Variants in SPTA1 observed in about 807,000 individuals in gnomAD.
SPTA1 encodes the protein spectrin alpha chain, erythrocytic 1.
Under a neutral mutation model 324.7 loss-of-function variants are expected in SPTA1, and 177 were observed. That is an observed-to-expected ratio of 0.55 (90% CI 0.48 to 0.62). The LOEUF (loss-of-function observed/expected upper bound fraction) is 0.62. Ranked by LOEUF, SPTA1 falls within the 20% of genes least tolerant of loss-of-function variation. The probability of loss-of-function intolerance (pLI) is 0.00; values close to 1 mark genes in which losing one functional copy is unlikely to be tolerated. For missense variants in SPTA1, 3,162 were observed against 2,883.6 expected (o/e 1.10, Z -2.21); for synonymous variants, 1,195 against 1,041.3 (o/e 1.15, Z -2.84).
chr1:158,624,613 T>A (rs148117155), intron 42 of SPTA1, among the ~76,000 whole-genome samples: 1,725 of 152,326 alleles, frequency 0.011, 33 homozygotes, highest in African/African-American at 0.039. Context: ...TTTTTGATTT[T>A]ACAGACAATC....
chr1:158,681,596 C>T lies in SPTA1; in HGVS notation c.462G>A (p.Leu154=). The change falls in exon 4 of 52, where the codon TTG becomes TTA. Residue 154 remains leucine (L), a synonymous_variant. Transcript: ENST00000643759. ...ACTGCTGGAACTTCAGGGCCCGCAG[C>T]AACTGGTCACCCTTCTCCAGGGTCA... ...LELTLEKGDQ[L]LRALKFQQYV... 1 of 1,613,714 alleles carries T rather than the reference C, an allele frequency of 6.2e-7. No individual in the cohort carries two copies. The highest frequency in any genetic ancestry group is 8.5e-7 in the Non-Finnish European group (1 of 1,179,822).
chr1:158,651,604 A>C (rs1652440471), intron 23 of SPTA1, 136 bp from the exon 24 acceptor site: 1 of 716,252 alleles, frequency 1.4e-6, no homozygotes, highest in Non-Finnish European at 2.6e-6. Context: ...CCTCTCCTCC[A>C]ATCCACCACT....
chr1:158,653,166 T>C (rs1347099113), intron 22 of SPTA1, 108 bp downstream of exon 22: 8 of 1,525,620 alleles, frequency 5.2e-6, no homozygotes, highest in Non-Finnish European at 7.2e-6. Flanking sequence ...AATCTTCAGA[T>C]TTTCTGTGGC....
chr1:158,686,447 C>A (rs758246122), intron 1 of SPTA1, 47 bp downstream of exon 1: 1 of 1,289,006 alleles, frequency 7.8e-7, no homozygotes, highest in Non-Finnish European at 1.1e-6. Context: ...AACATCTTTC[C>A]TAATAATATT....
In SPTA1 at chr1:158,639,972, A is replaced by G. The variant is rs764652265; in HGVS notation, c.4773T>C (p.His1591=). The change falls in exon 34 of 52, where the codon CAT becomes CAC. Residue 1591 remains histidine, a synonymous_variant. Coordinates refer to ENST00000643759, the MANE Select transcript of SPTA1 (RefSeq NM_003126.4). ...CTTTGTCATTTGTTCTCTCAAGCAG[A>G]TGATCCCAATGTTCCTTCAGCTGTT... ...QLEQLKEHWD[H]LLERTNDKGK... is the part of the protein sequence containing the mutation. 1.2e-6 allele frequency: 2 copies of G among 1,613,912 alleles called. No individual in the cohort carries two copies. Among genetic ancestry groups the G allele is most frequent in the Non-Finnish European group, 1.7e-6 (2 of 1,179,892 alleles).
intron 51 of SPTA1, chr1:158,612,067 C>T (rs1482192672): frequency 6.5e-6 from 1 of 154,094 alleles, no homozygotes; most frequent in Non-Finnish European, 1.4e-5. Context: ...AAAACGATAC[C>T]ATCATGTATG....
rs976782932 is a variant in SPTA1, at chr1:158,647,709, C to A, written c.3726G>T (p.Leu1242=). 6.2e-7 allele frequency: 1 copy of A among 1,613,760 alleles called. No individual in the cohort carries two copies. Among genetic ancestry groups the A allele is most frequent in the Admixed American group, 1.7e-5 (1 of 59,940 alleles). The change falls in exon 27 of 52, where the codon CTG becomes CTT. Residue 1242 remains leucine, a synonymous_variant. Coordinates refer to ENST00000643759, the MANE Select transcript of SPTA1 (RefSeq NM_003126.4). ...LVPLGDKVTI[L]GETAERLSES... Reference sequence around the variant, plus strand: ...CACTGAGCCGCTCTGCTGTCTCCCCCAGTATGGTCACCTGGGGAGGTACAA... The same window carrying A: ...CACTGAGCCGCTCTGCTGTCTCCCCAAGTATGGTCACCTGGGGAGGTACAA...
intron 5 of SPTA1, among the ~76,000 whole-genome samples, chr1:158,680,113 C>T (rs571637183): frequency 3.9e-5 from 6 of 151,924 alleles, no homozygotes; most frequent in Admixed American, 6.6e-5. Flanking sequence ...AAAGTAAAAC[C>T]GCTTCCTTTC....
intron 7 of SPTA1, among the ~76,000 whole-genome samples, chr1:158,676,944 CA>C (rs2101931389): frequency 6.6e-6 from 1 of 151,940 alleles, no homozygotes; most frequent in Non-Finnish European, 1.5e-5. Context: ...GGAAAAAGAC[CA>C]AAAACAACAA....
intron 10 of SPTA1, among the ~76,000 whole-genome samples, chr1:158,674,045 T>C (rs969555952): frequency 5.9e-5 from 9 of 152,150 alleles, no homozygotes; most frequent in Non-Finnish European, 1.2e-4. Context: ...CTGAAGATAA[T>C]TTAAAGTGTA....
chr1:158,674,153 G>A (rs2101922817), intron 10 of SPTA1, among the ~76,000 whole-genome samples, 176 bp downstream of exon 10: 1 of 152,160 alleles, frequency 6.6e-6, no homozygotes, highest in South Asian at 2.1e-4. Context: ...AATGCCCCAT[G>A]GATAATAAGT....
chr1:158,662,786 G>A lies in SPTA1; in HGVS notation c.2380C>T (p.His794Tyr), dbSNP rs781201583. 1.8e-5 allele frequency: 29 copies of A among 1,613,926 alleles called. No homozygotes were observed. The highest frequency in any genetic ancestry group is 1.3e-5 in the Non-Finnish European group (15 of 1,180,000). The change falls in exon 17 of 52, where the codon CAT (histidine) becomes TAT (tyrosine). Residue 794 changes from histidine to tyrosine, a missense_variant. By Grantham distance (83) the His-to-Tyr change is moderately conservative. Transcript: ENST00000643759. The stretch of plus-strand genomic sequence containing the variant: ...GTGTCTCTACAAATCAGCTGCAGAT[G>A]GAGAAGGTCTAAGAGCTTCTTCTTT... The part of the protein sequence containing the change: ...TRKKKLLDLL[H>Y]LQLICRDTED...
intron 49 of SPTA1, 138 bp downstream of exon 49, chr1:158,614,115 T>C (rs1649414995): frequency 2.5e-6 from 2 of 807,122 alleles, no homozygotes; most frequent in Non-Finnish European, 4.0e-6. Context: ...CAGAAAGCCA[T>C]GACTGGAGCT....
chr1:158,652,541 TC>T lies in SPTA1; in HGVS notation c.3300del (p.Lys1102ArgfsTer9). On this transcript the variant is annotated frameshift_variant, in exon 23 of 52. Transcript: ENST00000643759. LOFTEE classifies it high-confidence loss of function. ...TCCACTCCAGTGTTTTCTGCCTTTT[TC>T]TCTTGAATCCATTCCAGCATGTCTC... ...EAGDMLEWIQ[E>X]KKAENTGVEL... 5 of 1,614,188 alleles carry T rather than the reference TC, an allele frequency of 3.1e-6. No homozygotes were observed. Among genetic ancestry groups the T allele is most frequent in the Non-Finnish European group, 4.2e-6 (5 of 1,180,038 alleles).
At chr1:158,637,143 T>G (rs915374296) in intron 36 of SPTA1, among the ~76,000 whole-genome samples, 3 of 152,190 alleles carry the variant, frequency 2.0e-5, no homozygotes, top group Non-Finnish European at 4.4e-5. Context: ...TTTATTAATG[T>G]CAATAATAAA....
In SPTA1 at chr1:158,645,191, C is replaced by G. The variant is rs887330312; in HGVS notation, c.4191G>C (p.Leu1397Phe). ...ACAATTGGGAAATTTGCTGTACCTGCAACTCCAGGCACTGGTCTAGGATCT... is the reference window on the plus strand; with the variant it reads ...ACAATTGGGAAATTTGCTGTACCTGGAACTCCAGGCACTGGTCTAGGATCT... ...RKKILDQCLE[L>F]QMFQGNCDQV... Residue 1397 changes from leucine to phenylalanine, a missense_variant, in exon 29 of 52, where the codon TTG (leucine) becomes TTC (phenylalanine). By Grantham distance (22) the Leu-to-Phe change is conservative. Transcript: ENST00000643759. 3.1e-6 allele frequency: 5 copies of G among 1,613,802 alleles called. No homozygotes were observed. Among genetic ancestry groups the G allele is most frequent in the Non-Finnish European group, 4.2e-6 (5 of 1,179,764 alleles).
chr1:158,637,537 C>T (rs978266684), intron 36 of SPTA1, among the ~76,000 whole-genome samples: 6 of 151,700 alleles, frequency 4.0e-5, no homozygotes, highest in African/African-American at 9.7e-5. Context: ...GTGTCCAATT[C>T]AGTGTCATAT....
intron 42 of SPTA1, among the ~76,000 whole-genome samples, chr1:158,624,372 G>T (rs987516091): frequency 1.9e-4 from 29 of 152,172 alleles, no homozygotes; most frequent in Non-Finnish European, 8.8e-5. Flanking sequence ...AGCCACAGGG[G>T]TGGAACTGCC....
intron 14 of SPTA1, 103 bp downstream of exon 14, chr1:158,669,305 G>T: frequency 6.7e-7 from 1 of 1,488,034 alleles, no homozygotes; most frequent in Non-Finnish European, 9.3e-7. Context: ...TCTATAAAAT[G>T]AGGATCACCA....
Sources: gnomAD v4.1 joint callset for allele counts (sites outside exome capture counted in the v4.1 genomes callset) on GRCh38, gnomAD v4.1.1 for gene constraint, MANE v1.5 for transcripts, NCBI Gene and HGNC (gene_info 2026-07-23, HGNC 2026-07-21) for gene names.